Variants in PRKCB observed in about 807,000 individuals in gnomAD.
The protein encoded by PRKCB is protein kinase C beta type.
A neutral mutation model predicts 81.5 loss-of-function variants in PRKCB; 13 were observed. The observed-to-expected ratio is 0.16, with a 90% CI of 0.10 to 0.25. The LOEUF (loss-of-function observed/expected upper bound fraction) is 0.25, where lower values mean the gene tolerates loss of function less well. PRKCB is among the 10% of genes least tolerant of loss of function. PRKCB has a pLI of 1.00. For missense variants in PRKCB, 509 were observed against 875.7 expected (o/e 0.58, Z 5.29); for synonymous variants, 335 against 321.4 (o/e 1.04, Z -0.45).
At chr16:23,942,741 T>C (rs1011249245) in intron 2 of PRKCB, among the ~76,000 whole-genome samples, 3 of 152,208 alleles carry the variant, frequency 2.0e-5, no homozygotes, top group Non-Finnish European at 2.9e-5. Flanking sequence ...TTCTGCTTCC[T>C]TCTTATGCTT....
chr16:24,026,893 T>C (rs548561455), intron 3 of PRKCB, among the ~76,000 whole-genome samples: 1 of 152,370 alleles, frequency 6.6e-6, no homozygotes, highest in East Asian at 1.9e-4. Flanking sequence ...ATCCGTGTCT[T>C]GGAATCCATC....
chr16:24,032,072 G>A (rs1030750903), intron 3 of PRKCB, 64 bp from the exon 4 acceptor site: 12 of 1,196,152 alleles, frequency 1.0e-5, no homozygotes, highest in Admixed American at 8.7e-5. Flanking sequence ...GCCTCTCGAT[G>A]TAGGATGAAC....
At chr16:23,941,662 C>CA (rs890626715) in intron 2 of PRKCB, among the ~76,000 whole-genome samples, 14 of 150,594 alleles carry the variant, frequency 9.3e-5, no homozygotes, top group South Asian at 4.2e-4. Flanking sequence ...ATCATAGATG[C>CA]AAAAAAAAGC....
At position 24,217,500 on chromosome 16, in the gene PRKCB, C is replaced by T; in HGVS notation, c.*2684C>T. The T allele has an allele frequency of 1.0e-6, 1 of 985,438 alleles. No homozygotes were observed. The highest frequency in any genetic ancestry group is 1.7e-5 in the African/African-American group (1 of 57,360). The allele number at this position is 985,438 out of a possible 1,614,324, so 61.0% of individuals were successfully genotyped here. ...TTCACATGGCTTCAGATGCTATCAACCTCAAAGAAATGATCTCAACAGAGA... is the reference window on the plus strand; with the variant it reads ...TTCACATGGCTTCAGATGCTATCAATCTCAAAGAAATGATCTCAACAGAGA... On this transcript the variant is annotated 3_prime_UTR_variant, in exon 17 of 17. Coordinates refer to ENST00000643927, the MANE Select transcript of PRKCB (RefSeq NM_002738.7).
chr16:23,879,357 A>G (rs1171449466), intron 2 of PRKCB, among the ~76,000 whole-genome samples: 2 of 152,230 alleles, frequency 1.3e-5, no homozygotes, highest in East Asian at 3.9e-4. Context: ...TTCATAGCCT[A>G]GGATGAAGTT....
intron 16 of PRKCB, among the ~76,000 whole-genome samples, chr16:24,209,725 C>G (rs565396184): frequency 2.4e-4 from 37 of 152,200 alleles, no homozygotes; most frequent in Admixed American, 4.6e-4. Context: ...TTATCATAAC[C>G]ACCTCCTCAC....
chr16:24,169,913 A>T (rs1476365933), intron 10 of PRKCB, among the ~76,000 whole-genome samples: 2 of 152,066 alleles, frequency 1.3e-5, no homozygotes, highest in African/African-American at 4.8e-5. Flanking sequence ...AGTAGCTGGG[A>T]CTACAGGCGC....
In PRKCB at chr16:23,978,385, A is replaced by C. The variant is rs539202392; in HGVS notation, c.206-10123A>C. Reference sequence around the variant, plus strand: ...GCGTTTGTCACCCCTGTGTTAAGGTAGGTAGGATGAGTGAACTGTCGTCTG... The same window carrying C: ...GCGTTTGTCACCCCTGTGTTAAGGTCGGTAGGATGAGTGAACTGTCGTCTG... On this transcript the variant is annotated intron_variant, in intron 2 of 16. Coordinates refer to ENST00000643927, the MANE Select transcript of PRKCB (RefSeq NM_002738.7). Among the ~76,000 whole-genome samples, 3 of 152,294 alleles carry C rather than the reference A, an allele frequency of 2.0e-5. No homozygotes were observed. The South Asian group carries it at 6.2e-4, about 32-fold the overall frequency.
At chr16:24,022,387 TA>T (rs1175207798) in intron 3 of PRKCB, among the ~76,000 whole-genome samples, 2 of 152,176 alleles carry the variant, frequency 1.3e-5, no homozygotes, top group African/African-American at 4.8e-5. Flanking sequence ...ATTACTTATC[TA>T]AAGGGGAAAA....
intron 2 of PRKCB, among the ~76,000 whole-genome samples, chr16:23,839,216 T>A (rs754334837): frequency 6.6e-5 from 10 of 151,802 alleles, no homozygotes; most frequent in African/African-American, 2.4e-4. Context: ...TTTTCTGATG[T>A]TAAGAGAAAA....
At chr16:24,029,700 C>T (rs752998814) in intron 3 of PRKCB, among the ~76,000 whole-genome samples, 20 of 152,172 alleles carry the variant, frequency 1.3e-4, no homozygotes, top group Non-Finnish European at 2.5e-4. Flanking sequence ...TGTAGTATGT[C>T]TGTTTATTTG....
intron 5 of PRKCB, among the ~76,000 whole-genome samples, chr16:24,039,700 G>T (rs1965675180): frequency 6.6e-6 from 1 of 152,178 alleles, no homozygotes; most frequent in African/African-American, 2.4e-5. Flanking sequence ...TGGACATAGG[G>T]GTAACTGTGA....
chr16:24,033,881 G>A (rs766420659), intron 4 of PRKCB, among the ~76,000 whole-genome samples: 5 of 152,128 alleles, frequency 3.3e-5, no homozygotes, highest in African/African-American at 7.2e-5. Flanking sequence ...CACACATGGA[G>A]AGCCACAGAG....
intron 12 of PRKCB, 71 bp downstream of exon 12, chr16:24,174,651 A>G (rs1351246986): frequency 2.9e-6 from 4 of 1,367,274 alleles, no homozygotes; most frequent in Admixed American, 3.9e-5. Context: ...CTCTTTCTTC[A>G]GCTGCTTTTA....
At chr16:23,931,447 C>T (rs1192062718) in intron 2 of PRKCB, among the ~76,000 whole-genome samples, 4 of 152,112 alleles carry the variant, frequency 2.6e-5, no homozygotes, top group Admixed American at 6.6e-5. Flanking sequence ...AGACAGGGAC[C>T]CCTGTGTGGG....
At chr16:23,927,904 G>C (rs1343647894) in intron 2 of PRKCB, among the ~76,000 whole-genome samples, 2 of 151,992 alleles carry the variant, frequency 1.3e-5, no homozygotes, top group East Asian at 3.9e-4. Flanking sequence ...TGGATATCTT[G>C]GGGCTTAGGG....
rs573658114 is a variant in PRKCB at position 24,163,282 on chromosome 16, G to A, written c.1239+8425G>A. Among the ~76,000 whole-genome samples, 40 of 152,346 alleles carry A rather than the reference G, an allele frequency of 2.6e-4. 2 individuals are homozygous for A. In the South Asian group the frequency reaches 7.5e-3, roughly 28 times the overall value. ...ACTAACTGGATTCAAGCAGGACATA[G>A]TTATAGGCTAGTGGTACAAACATGG... On this transcript the variant is annotated intron_variant, in intron 10 of 16. Coordinates refer to ENST00000643927, the MANE Select transcript of PRKCB (RefSeq NM_002738.7).
At chr16:23,893,239 A>G (rs549904534) in intron 2 of PRKCB, 2 of 152,470 alleles carry the variant, frequency 1.3e-5, no homozygotes, top group South Asian at 2.1e-4. Flanking sequence ...CTTGGGGAGC[A>G]GAGGGAGAAG....
intron 2 of PRKCB, among the ~76,000 whole-genome samples, chr16:23,843,765 C>T (rs1164620714): frequency 7.9e-6 from 1 of 127,032 alleles, no homozygotes; most frequent in Non-Finnish European, 1.6e-5. Flanking sequence ...CAACCAGATG[C>T]AGCATGTTTA....
Sources: gnomAD v4.1 joint callset for allele counts (sites outside exome capture counted in the v4.1 genomes callset) on GRCh38, gnomAD v4.1.1 for gene constraint, MANE v1.5 for transcripts, NCBI Gene and HGNC (gene_info 2026-07-23, HGNC 2026-07-21) for gene names.